Variants in ROBO2 observed in about 807,000 individuals in gnomAD.
ROBO2 encodes roundabout guidance receptor 2.
Under a neutral mutation model 160.8 loss-of-function variants are expected in ROBO2, and 53 were observed. The observed-to-expected ratio is 0.33, with a 90% confidence interval of 0.26 to 0.41. ROBO2 has a LOEUF of 0.41. Ranked by LOEUF, ROBO2 falls within the 10% of genes least tolerant of loss-of-function variation. The probability of loss-of-function intolerance (pLI) is 1.00; values close to 1 mark genes in which losing one functional copy is unlikely to be tolerated. For missense variants in ROBO2, 1,577 were observed against 1,722.4 expected, an observed-to-expected ratio of 0.92 and a Z score of 1.49; for synonymous variants, 664 against 611.7, an observed-to-expected ratio of 1.09 and a Z score of -1.26.
At chr3:76,273,039 ATATATAT>A (rs1707670708) in intron 2 of ROBO2, among the ~76,000 whole-genome samples, 1 of 101,064 alleles carries the variant, frequency 9.9e-6, no homozygotes. Flanking sequence ...TATTTATAAA[ATATATAT>A]TATATAAATA....
chr3:76,644,036 A>G (rs1044539637), intron 2 of ROBO2, among the ~76,000 whole-genome samples: 32 of 152,342 alleles, frequency 2.1e-4, no homozygotes, highest in African/African-American at 6.7e-4. Flanking sequence ...GATTGTACCC[A>G]TATAGAGTCA....
At chr3:76,085,665 G>A (rs1372226441) in intron 2 of ROBO2, among the ~76,000 whole-genome samples, 1 of 152,070 alleles carries the variant, frequency 6.6e-6, no homozygotes, top group African/African-American at 2.4e-5. Flanking sequence ...AGAGACACAG[G>A]CAGATACAGA....
chr3:77,287,480 C>A (rs2060689689), intron 2 of ROBO2, among the ~76,000 whole-genome samples: 1 of 152,112 alleles, frequency 6.6e-6, no homozygotes, highest in Non-Finnish European at 1.5e-5. Context: ...TTGAAACACA[C>A]CATCCCCAGA....
At chr3:77,143,969 G>A (rs755544991) in intron 2 of ROBO2, among the ~76,000 whole-genome samples, 42 of 152,094 alleles carry the variant, frequency 2.8e-4, no homozygotes, top group Non-Finnish European at 5.1e-4. Context: ...TCCATGACAC[G>A]TGCTATTCTT....
intron 2 of ROBO2, among the ~76,000 whole-genome samples, chr3:77,469,824 C>T (rs1187753897): frequency 6.6e-6 from 1 of 152,156 alleles, no homozygotes; most frequent in Non-Finnish European, 1.5e-5. Flanking sequence ...AGGGGTGCAG[C>T]ACACATCTTG....
At chr3:75,941,576 T>A (rs1948055682) in intron 2 of ROBO2, among the ~76,000 whole-genome samples, 1 of 152,174 alleles carries the variant, frequency 6.6e-6, no homozygotes, top group South Asian at 2.1e-4. Context: ...TGAGAAAGTT[T>A]GAAATTTTGA....
intron 2 of ROBO2, among the ~76,000 whole-genome samples, chr3:76,852,235 T>G (rs1299322406): frequency 1.3e-5 from 2 of 152,188 alleles, no homozygotes; most frequent in African/African-American, 4.8e-5. Flanking sequence ...ACATGCAACA[T>G]ACTTGTTACA....
chr3:77,547,542 A>T (rs1377346339), intron 7 of ROBO2, among the ~76,000 whole-genome samples: 2 of 152,116 alleles, frequency 1.3e-5, no homozygotes, highest in Admixed American at 1.3e-4. Flanking sequence ...TCTGCAACAT[A>T]CATGTGTGCA....
intron 2 of ROBO2, among the ~76,000 whole-genome samples, chr3:76,011,939 G>T (rs1189523420): frequency 6.6e-6 from 1 of 152,098 alleles, no homozygotes; most frequent in Non-Finnish European, 1.5e-5. Flanking sequence ...CCAGTGACTC[G>T]ATGCAATCAC....
chr3:76,413,606 G>T (rs9867048), intron 2 of ROBO2, among the ~76,000 whole-genome samples: 2 of 151,868 alleles, frequency 1.3e-5, no homozygotes, highest in African/African-American at 2.4e-5. Flanking sequence ...TTGCTAAAAC[G>T]TAACAAGAGT....
intron 2 of ROBO2, among the ~76,000 whole-genome samples, chr3:77,446,488 A>G (rs1459558374): frequency 6.6e-6 from 1 of 152,140 alleles, no homozygotes; most frequent in Non-Finnish European, 1.5e-5. Context: ...AAAAAAGTAC[A>G]TCAAAATAAG....
At chr3:77,380,639 C>T (rs567341361) in intron 2 of ROBO2, among the ~76,000 whole-genome samples, 131 of 151,512 alleles carry the variant, frequency 8.6e-4, no homozygotes, top group Non-Finnish European at 1.5e-3. Context: ...TAAAGTGCAC[C>T]TTCTTTTTTT....
chr3:76,856,783 AAAAT>A (rs2070139782), intron 2 of ROBO2, among the ~76,000 whole-genome samples: 1 of 152,228 alleles, frequency 6.6e-6, no homozygotes. Context: ...AAGTCTAGAA[AAAAT>A]ACAGTTCAGC....
chr3:77,307,926 C>G (rs2063227299), intron 2 of ROBO2, among the ~76,000 whole-genome samples: 1 of 151,742 alleles, frequency 6.6e-6, no homozygotes, highest in African/African-American at 2.4e-5. Context: ...CCACTGCACT[C>G]CAGCCTGAGC....
chr3:76,637,500 G>T (rs890576833), intron 2 of ROBO2, among the ~76,000 whole-genome samples: 2 of 151,956 alleles, frequency 1.3e-5, no homozygotes, highest in African/African-American at 2.4e-5. Flanking sequence ...GACAGGAGGG[G>T]TTGTGTGTAT....
chr3:76,704,894 A>T (rs540769165), intron 2 of ROBO2, among the ~76,000 whole-genome samples: 47 of 152,188 alleles, frequency 3.1e-4, no homozygotes, highest in South Asian at 4.1e-4. Flanking sequence ...TTAATTAATT[A>T]ATTAATTTAT....
intron 2 of ROBO2, among the ~76,000 whole-genome samples, chr3:76,509,838 T>C (rs1476370065): frequency 1.3e-5 from 2 of 152,154 alleles, no homozygotes; most frequent in African/African-American, 4.8e-5. Context: ...TTTGAAATGC[T>C]CCAAAATCTG....
At chr3:77,129,398 A>G (rs1335298270) in intron 2 of ROBO2, among the ~76,000 whole-genome samples, 2 of 152,190 alleles carry the variant, frequency 1.3e-5, no homozygotes, top group Non-Finnish European at 2.9e-5. Context: ...TACAATCAAC[A>G]CATTTTTGCC....
chr3:76,620,393 T>C (rs548784520), intron 2 of ROBO2, among the ~76,000 whole-genome samples: 2 of 152,254 alleles, frequency 1.3e-5, no homozygotes, highest in Admixed American at 1.3e-4. Context: ...CGAAAAATCA[T>C]TCGTAAATAA....
Sources: gnomAD v4.1 joint callset for allele counts (sites outside exome capture counted in the v4.1 genomes callset) on GRCh38, gnomAD v4.1.1 for gene constraint, MANE v1.5 for transcripts, NCBI Gene and HGNC (gene_info 2026-07-23, HGNC 2026-07-21) for gene names.